Variants in MACF1 observed in about 807,000 individuals in gnomAD.
MACF1 encodes the protein microtubule-actin cross-linking factor 1.
In MACF1, 193 loss-of-function variants were observed where a neutral mutation model predicts 854.8. The observed-to-expected ratio is 0.23, with a 90% confidence interval of 0.20 to 0.25. The LOEUF is 0.25. Among genes scored for constraint, MACF1 ranks in the 10% least tolerant of loss-of-function variants. The pLI is 1.00. For synonymous variants in MACF1, 3,185 were observed against 3,226.7 expected, an observed-to-expected ratio of 0.99 and a Z score of 0.44; for missense variants, 7,722 against 8,929.1, an observed-to-expected ratio of 0.86 and a Z score of 5.45.
chr1:39,479,171 T>C (rs756677393), intron 97 of MACF1, among the ~76,000 whole-genome samples: 3 of 152,202 alleles, frequency 2.0e-5, no homozygotes, highest in Non-Finnish European at 4.4e-5. Context: ...TTTATTGCTT[T>C]CAGTTTTTCA....
In MACF1 at chr1:39,186,268, C is replaced by G. The variant is rs1241188721; in HGVS notation, c.221-44914C>G. On this transcript the variant is annotated intron_variant, in intron 2 of 93. Coordinates refer to the MACF1 transcript ENST00000361689. Reference sequence around the variant, plus strand: ...TGTGTTTTGGTGGGGGGTGAAATGACTTTTTTTTTTTTTTAATTTGAGACA... The same window carrying G: ...TGTGTTTTGGTGGGGGGTGAAATGAGTTTTTTTTTTTTTTAATTTGAGACA... 3.4e-5 allele frequency among the ~76,000 whole-genome samples: 4 copies of G among 118,092 alleles called. No homozygotes were observed. The East Asian group carries it at 9.8e-4, about 29-fold the overall frequency. The allele number at this position is 118,092 out of a possible 152,430, so 77.5% of individuals were successfully genotyped here.
At position 39,422,603 on chromosome 1, in the gene MACF1, G is replaced by A. The variant is rs540320614; in HGVS notation, c.15978+68G>A. 61 of 1,549,384 alleles carry A rather than the reference G, an allele frequency of 3.9e-5. No homozygotes were observed. The South Asian group carries it at 6.5e-4, about 16-fold the overall frequency. On this transcript the variant is annotated intron_variant, in intron 59 of 100. Coordinates refer to ENST00000564288, the MANE Select transcript of MACF1 (RefSeq NM_001394062.1). ...ATAGAAAAGAGACATCTGAATCTAA[G>A]GTTTCCCGAAACCTGAATGGAAATA...
rs1213267825 is a variant in MACF1 at position 39,424,113 on chromosome 1, T to C, written c.16235T>C (p.Leu5412Pro). 3 of 1,613,122 alleles carry C rather than the reference T, an allele frequency of 1.9e-6. No individual in the cohort carries two copies. The highest frequency in any genetic ancestry group is 2.5e-6 in the Non-Finnish European group (3 of 1,179,838). The change falls in exon 61 of 101, where the codon CTG becomes CCG. Residue 5412 changes from leucine (L) to proline (P), a missense_variant. By Grantham distance (98) the Leu-to-Pro change is moderately conservative. Coordinates refer to ENST00000564288, the MANE Select transcript of MACF1 (RefSeq NM_001394062.1). ...GGCAGAATAGCCCAGTCAGCAGAGC[T>C]GGCTGATAGAGAGAAAATCACTGGA... ...EGGRIAQSAE[L>P]ADREKITGQL...
At chr1:39,241,254 C>G (rs1037818329) in intron 2 of MACF1, among the ~76,000 whole-genome samples, 3 of 152,132 alleles carry the variant, frequency 2.0e-5, no homozygotes, top group Non-Finnish European at 1.5e-5. Flanking sequence ...AAACTTTCTC[C>G]TCTGCCCTAT....
At chr1:39,470,953 A>G (rs531250948) in intron 97 of MACF1, among the ~76,000 whole-genome samples, 1 of 152,292 alleles carries the variant, frequency 6.6e-6, no homozygotes, top group Admixed American at 6.5e-5. Flanking sequence ...CTTTGTCCTT[A>G]TCTTAGTATC....
rs564736899 is a variant in MACF1, at chr1:39,385,666, A to G, written c.14081A>G (p.Asp4694Gly). ...KSTQYQELLQ[D>G]LSEKVRAVGQ... ...ACCCAGTACCAGGAACTGCTCCAGG[A>G]CTTATCAGAGAAGGTGAGGGCAGTT... The change falls in exon 57 of 101, where the codon GAC (aspartate) becomes GGC (glycine). Residue 4694 changes from aspartate (D) to glycine (G), a missense_variant. Around this residue, in one of 15 missense-constraint regions of MACF1, gnomAD observed 2,807 missense variants for 3,235.8 expected, o/e 0.87. Transcript: ENST00000564288. 5.0e-6 allele frequency: 8 copies of G among 1,614,156 alleles called. No homozygotes were observed. The South Asian group carries it at 7.7e-5, about 16-fold the overall frequency.
chr1:39,263,837 G>C lies in MACF1; in HGVS notation c.528+5809G>C, dbSNP rs1481347034. ...CACCCAGGCTGGAGTGCAGTGGCGC[G>C]ATTTCAGCTCACTGCAAGCTCCACC... On this transcript the variant is annotated intron_variant, in intron 6 of 100. Transcript: ENST00000564288. Among the ~76,000 whole-genome samples, 6 of 142,076 alleles carry C rather than the reference G, an allele frequency of 4.2e-5. No homozygotes were observed. The South Asian group carries it at 1.3e-3, about 32-fold the overall frequency. 93.2% of individuals were successfully genotyped at this position (142,076 alleles called of 152,430 possible). A position where few individuals can be genotyped will look rare whatever the true frequency, so the allele number is the denominator to read the frequency against.
intron 95 of MACF1, among the ~76,000 whole-genome samples, chr1:39,465,561 A>G (rs548012501): frequency 6.6e-5 from 10 of 152,252 alleles, no homozygotes; most frequent in Non-Finnish European, 1.3e-4. Flanking sequence ...TATAATTACA[A>G]GGTATCTGAG....
chr1:39,125,656 A>G (rs1392324197), intron 2 of MACF1, among the ~76,000 whole-genome samples: 1 of 152,202 alleles, frequency 6.6e-6, no homozygotes, highest in East Asian at 1.9e-4. Flanking sequence ...GCATATAGCC[A>G]GGTCCTGTCT....
At position 39,429,840 on chromosome 1, in the gene MACF1, A is replaced by G; in HGVS notation, c.16902A>G (p.Leu5634=). ...LLKQTTGEEV[L]LIQEKLDGIK... ...TATCTTCCATAGGTGAGGAGGTGTT[A>G]CTTATCCAGGAAAAACTAGATGGTA... Residue 5634 remains leucine (L), a synonymous_variant, in exon 65 of 101, where the codon TTA becomes TTG. Transcript: ENST00000564288. 5 of 1,614,036 alleles carry G rather than the reference A, an allele frequency of 3.1e-6. No individual in the cohort carries two copies. The highest frequency in any genetic ancestry group is 4.2e-6 in the Non-Finnish European group (5 of 1,179,892).
Position 39,271,796 on chromosome 1 carries a change from A to G in MACF1, c.529-10412A>G, listed in dbSNP as rs116789275. ...GAACTCCTAGTAAAATCAATCCTAG[A>G]TAATAGACCATAGATAGCAATGGCA... On this transcript the variant is annotated intron_variant, in intron 6 of 100. Transcript: ENST00000564288. Among the ~76,000 whole-genome samples, 933 of 152,346 alleles carry G rather than the reference A, an allele frequency of 6.1e-3. 20 individuals carry two copies. The highest frequency in any genetic ancestry group is 0.021 in the African/African-American group (893 of 41,578).
chr1:39,219,276 A>T (rs2148287959), intron 1 of MACF1, among the ~76,000 whole-genome samples: 1 of 152,292 alleles, frequency 6.6e-6, no homozygotes, highest in South Asian at 2.1e-4. Context: ...TTGTCTTCTA[A>T]TAAATTTATG....
chr1:39,476,700 G>A (rs1164447472), intron 97 of MACF1, among the ~76,000 whole-genome samples: 4 of 152,116 alleles, frequency 2.6e-5, no homozygotes, highest in Non-Finnish European at 4.4e-5. Flanking sequence ...TATTGGACTG[G>A]TTAAATAAAT....
At chr1:39,244,979 A>G (rs898955444) in intron 2 of MACF1, among the ~76,000 whole-genome samples, 1 of 151,946 alleles carries the variant, frequency 6.6e-6, no homozygotes, top group African/African-American at 2.4e-5. Context: ...TCCCAAAGTG[A>G]TGGGATTACA....
At chr1:39,319,005 T>G (rs537178664) in intron 30 of MACF1, among the ~76,000 whole-genome samples, 6 of 152,134 alleles carry the variant, frequency 3.9e-5, no homozygotes, top group East Asian at 1.9e-4. Context: ...ATTTTTTTTT[T>G]GTTGGTATTT....
In MACF1 at chr1:39,424,114, G is replaced by C. The variant is rs751673819; in HGVS notation, c.16236G>C (p.Leu5412=). The C allele has an allele frequency of 1.2e-6, 2 of 1,613,048 alleles. No homozygotes were observed. The highest frequency in any genetic ancestry group is 1.7e-6 in the Non-Finnish European group (2 of 1,179,844). Residue 5412 remains leucine (L), a synonymous_variant, in exon 61 of 101, where the codon CTG becomes CTC. Coordinates refer to ENST00000564288, the MANE Select transcript of MACF1 (RefSeq NM_001394062.1). ...EGGRIAQSAE[L]ADREKITGQL... ...GCAGAATAGCCCAGTCAGCAGAGCT[G>C]GCTGATAGAGAGAAAATCACTGGAC...
chr1:39,437,153 T>G (rs2148659370), intron 70 of MACF1, among the ~76,000 whole-genome samples: 1 of 152,236 alleles, frequency 6.6e-6, no homozygotes, highest in Middle Eastern at 3.4e-3. Flanking sequence ...TTTGTTACAT[T>G]AGTTGGAATA....
At chr1:39,412,838 C>T (rs752165466) in intron 58 of MACF1, 2 of 1,612,050 alleles carry the variant, frequency 1.2e-6, no homozygotes, top group Non-Finnish European at 1.7e-6. Flanking sequence ...GAGGAGGGTA[C>T]CTCAATTGCT....
intron 6 of MACF1, among the ~76,000 whole-genome samples, chr1:39,281,486 A>G (rs1051990900): frequency 6.6e-6 from 1 of 151,968 alleles, no homozygotes; most frequent in Admixed American, 6.6e-5. Context: ...TTTTCTTTGT[A>G]AAACTTTTTT....
Sources: gnomAD v4.1 joint callset for allele counts (sites outside exome capture counted in the v4.1 genomes callset) on GRCh38, gnomAD v4.1.1 for gene constraint, gnomAD v4.1.1 regional missense constraint, MANE v1.5 for transcripts, NCBI Gene and HGNC (gene_info 2026-07-23, HGNC 2026-07-21) for gene names.